APBA1: variants seen among roughly 807,000 people sequenced by gnomAD.
APBA1 encodes amyloid-beta A4 precursor protein-binding family A member 1.
APBA1 carries 55 observed loss-of-function variants against 86.6 expected under a neutral mutation model. The ratio of observed to expected loss-of-function variants is 0.64; its 90% CI spans 0.51 to 0.80. The LOEUF is 0.80. Among genes scored for constraint, APBA1 ranks in the 30% least tolerant of loss-of-function variants. APBA1 has a pLI of 0.00. For synonymous variants in APBA1, 511 were observed against 493.9 expected (o/e 1.03, Z -0.46); for missense variants, 1,090 against 1,183.0 (o/e 0.92, Z 1.15).
intron 12 of APBA1, 60 bp downstream of exon 12, chr9:69,432,476 A>G: frequency 7.0e-7 from 1 of 1,419,774 alleles, no homozygotes; most frequent in Non-Finnish European, 9.3e-7. Context: ...CGGTGAGCAT[A>G]CGAGGCAGGG....
At chr9:69,483,405 G>A (rs572050641) in intron 2 of APBA1, among the ~76,000 whole-genome samples, 2 of 152,112 alleles carry the variant, frequency 1.3e-5, no homozygotes, top group South Asian at 2.1e-4. Context: ...GGAAACTGAT[G>A]CACAGAGACA....
intron 1 of APBA1, among the ~76,000 whole-genome samples, chr9:69,538,842 T>C (rs1406918068): frequency 6.6e-6 from 1 of 152,230 alleles, no homozygotes; most frequent in Non-Finnish European, 1.5e-5. Flanking sequence ...TTCCCTTCTG[T>C]TCTGTCTTAA....
chr9:69,449,931 GTCT>G, intron 9 of APBA1, 135 bp from the exon 10 acceptor site: 1 of 678,886 alleles, frequency 1.5e-6, no homozygotes, highest in Non-Finnish European at 2.4e-6. Context: ...ATGAGTTCCT[GTCT>G]TCTCAGCATT....
intron 1 of APBA1, among the ~76,000 whole-genome samples, chr9:69,652,956 C>T (rs190044018): frequency 5.3e-4 from 81 of 151,460 alleles, no homozygotes; most frequent in East Asian, 1.9e-3. Context: ...GAGATTGCAC[C>T]GCTACACTCC....
rs769283531 is a variant in APBA1, at chr9:69,642,637, GAGAGAGAGAT to G, written c.-70+29506_-70+29515del. Among the ~76,000 whole-genome samples, 24 of 152,194 alleles carry G rather than the reference GAGAGAGAGAT, an allele frequency of 1.6e-4. No homozygotes were observed. The South Asian group carries it at 1.7e-3, about 11-fold the overall frequency. ...ATTCTATATGTTTTTGTGAAAGAGA[GAGAGAGAGAT>G]AGAGAGAGATAGAGAGAAATAAAGT... On this transcript the variant is annotated intron_variant, in intron 1 of 12. Transcript: ENST00000265381.
chr9:69,483,024 C>A (rs1447555424), intron 2 of APBA1, among the ~76,000 whole-genome samples: 1 of 149,360 alleles, frequency 6.7e-6, no homozygotes, highest in African/African-American at 2.5e-5. Flanking sequence ...ATGCTAGATG[C>A]CGAGTTAGTG....
chr9:69,635,633 A>C (rs1823141793), intron 1 of APBA1, among the ~76,000 whole-genome samples: 1 of 152,196 alleles, frequency 6.6e-6, no homozygotes, highest in Non-Finnish European at 1.5e-5. Context: ...ACACAGACTG[A>C]AAATAAAGGA....
intron 1 of APBA1, among the ~76,000 whole-genome samples, chr9:69,582,412 T>C (rs143771561): frequency 9.2e-4 from 140 of 152,230 alleles, no homozygotes; most frequent in African/African-American, 3.2e-3. Flanking sequence ...GATAATGAGA[T>C]AGTGATGCAA....
chr9:69,529,774 A>G (rs1021331410), intron 1 of APBA1, among the ~76,000 whole-genome samples: 20 of 152,164 alleles, frequency 1.3e-4, no homozygotes, highest in African/African-American at 4.8e-4. Context: ...AGAATAGGAG[A>G]AAATATTTCC....
In APBA1 at chr9:69,511,133, G is replaced by A. The variant is rs908171118; in HGVS notation, c.1200+4878C>T. On this transcript the variant is annotated intron_variant, in intron 2 of 12. Transcript: ENST00000265381. ...AAGAAACTACCATCAGAGTGAACAG[G>A]CAACCTACAAAATGGGAGCAAATTT... 8.5e-4 allele frequency among the ~76,000 whole-genome samples: 129 copies of A among 151,916 alleles called. 1 individual carries two copies. The highest frequency in any genetic ancestry group is 1.9e-4 in the Non-Finnish European group (13 of 67,984).
At chr9:69,433,054 T>A (rs1189689955) in intron 11 of APBA1, among the ~76,000 whole-genome samples, 1 of 152,216 alleles carries the variant, frequency 6.6e-6, no homozygotes, top group Non-Finnish European at 1.5e-5. Flanking sequence ...TGACTGGGAC[T>A]CAAGCACTGA....
intron 1 of APBA1, among the ~76,000 whole-genome samples, chr9:69,658,276 C>CTTTT (rs754704287): frequency 1.3e-5 from 1 of 79,130 alleles, no homozygotes; most frequent in Non-Finnish European, 2.8e-5. Context: ...TTCTTTCTTT[C>CTTTT]TTTCTTTCTC....
intron 10 of APBA1, among the ~76,000 whole-genome samples, chr9:69,446,310 G>GC: frequency 6.6e-6 from 1 of 152,258 alleles, no homozygotes; most frequent in Middle Eastern, 3.4e-3. Context: ...TCAACAAGCG[G>GC]CGCACTGTGG....
chr9:69,605,583 C>T (rs987653), intron 1 of APBA1, among the ~76,000 whole-genome samples: 61,937 of 151,938 alleles, frequency 0.41, 13,631 homozygotes, highest in African/African-American at 0.57. Flanking sequence ...TGTTAGCTTA[C>T]GTTGTCATTT....
At chr9:69,577,234 C>T (rs528923223) in intron 1 of APBA1, among the ~76,000 whole-genome samples, 2 of 152,258 alleles carry the variant, frequency 1.3e-5, no homozygotes, top group Admixed American at 6.5e-5. Flanking sequence ...CCCTATCTAG[C>T]TGTAATTTGT....
intron 1 of APBA1, among the ~76,000 whole-genome samples, chr9:69,579,736 T>C (rs1490912655): frequency 4.6e-5 from 7 of 152,118 alleles, no homozygotes; most frequent in African/African-American, 9.7e-5. Flanking sequence ...CGGATTCCTG[T>C]AAATATGTTA....
chr9:69,490,842 A>G (rs1011121566), intron 2 of APBA1, among the ~76,000 whole-genome samples: 4 of 152,188 alleles, frequency 2.6e-5, no homozygotes, highest in African/African-American at 9.7e-5. Context: ...TAGCCAAAAG[A>G]CACATGAAAA....
intron 1 of APBA1, among the ~76,000 whole-genome samples, chr9:69,650,642 T>G (rs1564102709): frequency 6.6e-6 from 1 of 152,192 alleles, no homozygotes; most frequent in Non-Finnish European, 1.5e-5. Context: ...CTGTTCAGTA[T>G]CCAGTGAATT....
intron 11 of APBA1, among the ~76,000 whole-genome samples, chr9:69,440,655 G>C (rs1834802755): frequency 6.6e-6 from 1 of 152,150 alleles, no homozygotes; most frequent in Non-Finnish European, 1.5e-5. Flanking sequence ...GGGTGGGAGT[G>C]ACCCGATTTT....
Sources: allele counts gnomAD v4.1 joint callset (sites outside exome capture counted in the v4.1 genomes callset), GRCh38; gene constraint gnomAD v4.1.1; transcripts MANE v1.5; gene names NCBI Gene and HGNC (gene_info 2026-07-23, HGNC 2026-07-21).